The following CLIC6 variants were observed in gnomAD, a reference collection of about 807,000 sequenced individuals.
CLIC6 encodes the protein CLIC family member 6.
CLIC6 carries 39 observed loss-of-function variants against 49.2 expected under a neutral mutation model. That is an observed-to-expected ratio of 0.79 (90% CI 0.61 to 1.04). The LOEUF (loss-of-function observed/expected upper bound fraction) is 1.04, where lower values mean the gene tolerates loss of function less well. Among genes scored for constraint, CLIC6 ranks in the 50% least tolerant of loss-of-function variants. The pLI is 0.00. For missense variants in CLIC6, 988 were observed against 993.1 expected (o/e 0.99, Z 0.07); for synonymous variants, 446 against 433.4 (o/e 1.03, Z -0.36).
chr21:34,682,726 G>A (rs924950748), intron 1 of CLIC6, among the ~76,000 whole-genome samples: 1 of 150,186 alleles, frequency 6.7e-6, no homozygotes, highest in African/African-American at 2.4e-5. Context: ...ATCTTTAAAG[G>A]TTGCTTTACT....
In CLIC6 at chr21:34,707,092, G is replaced by A. The variant is rs182317467; in HGVS notation, c.1375-188G>A. Among the ~76,000 whole-genome samples, 454 of 152,232 alleles carry A rather than the reference G, an allele frequency of 3.0e-3. 3 individuals are homozygous for A. Among genetic ancestry groups the A allele is most frequent in the African/African-American group, 0.01 (429 of 41,528 alleles). On this transcript the variant is annotated intron_variant, in intron 1 of 5. Coordinates refer to ENST00000349499, the MANE Select transcript of CLIC6 (RefSeq NM_053277.3). ...ATGTGCATGTGCGTGCGTGTGTGGT[G>A]TTCTCTCCCCTAACCCCTACATCCA... is the stretch of plus-strand genomic sequence containing the variant.
chr21:34,707,914 C>G, intron 2 of CLIC6, 30 bp from the exon 3 acceptor site: 1 of 1,613,000 alleles, frequency 6.2e-7, no homozygotes, highest in South Asian at 1.1e-5. Flanking sequence ...TCACGGTGGC[C>G]CATAAACACT....
At chr21:34,676,781 G>A (rs1373290735) in intron 1 of CLIC6, among the ~76,000 whole-genome samples, 2 of 152,142 alleles carry the variant, frequency 1.3e-5, no homozygotes, top group Non-Finnish European at 2.9e-5. Context: ...ATAATGCCTA[G>A]TATAGATTCT....
At chr21:34,701,849 A>G (rs750736972) in intron 1 of CLIC6, among the ~76,000 whole-genome samples, 1 of 152,224 alleles carries the variant, frequency 6.6e-6, no homozygotes, top group Non-Finnish European at 1.5e-5. Flanking sequence ...AGTTATAACC[A>G]TCAGACTGGG....
chr21:34,706,040 C>T, intron 1 of CLIC6: 1 of 686,730 alleles, frequency 1.5e-6, no homozygotes, highest in East Asian at 2.7e-5. Flanking sequence ...AAACTTACTG[C>T]ATTAGGCTGT....
At position 34,671,137 on chromosome 21, in the gene CLIC6, AAAAAAG is replaced by A. The variant is rs1433479442; in HGVS notation, c.1374+378_1374+383del. The stretch of plus-strand genomic sequence containing the variant: ...CTAAAAAGTTAAAAAAAAAAAAAAA[AAAAAAG>A]AAGAAGAAGAAGAAAAGCAACGCAC... On this transcript the variant is annotated intron_variant, in intron 1 of 5. Coordinates refer to ENST00000349499, the MANE Select transcript of CLIC6 (RefSeq NM_053277.3). Among the ~76,000 whole-genome samples the A allele has an allele frequency of 7.5e-3, 592 of 78,764 alleles. 2 individuals are homozygous for A. The highest frequency in any genetic ancestry group is 0.047 in the South Asian group (108 of 2,278). The allele number at this position is 78,764 out of a possible 152,430, so 51.7% of individuals were successfully genotyped here. A position where few individuals can be genotyped will look rare whatever the true frequency, so the allele number is the denominator to read the frequency against.
chr21:34,672,675 G>A (rs760933484), intron 1 of CLIC6, among the ~76,000 whole-genome samples: 6 of 152,196 alleles, frequency 3.9e-5, no homozygotes, highest in Non-Finnish European at 7.3e-5. Flanking sequence ...TTGAATGGGC[G>A]GCTAGCTGCT....
intron 1 of CLIC6, among the ~76,000 whole-genome samples, chr21:34,706,467 T>C (rs1270715280): frequency 6.6e-6 from 1 of 152,158 alleles, no homozygotes. Flanking sequence ...ACCATATCAC[T>C]TATATTCAGT....
chr21:34,669,620 G>A lies in CLIC6; in HGVS notation c.232G>A (p.Gly78Arg). ...GGAGGCCGAGGCGCGGGGCACGAGG[G>A]GGGCGCACGGCGAGACTGAGGCCGA... ...GPEAEARGTR[G>R]AHGETEAEEG... Residue 78 changes from glycine to arginine, a missense_variant, in exon 1 of 6, where the codon GGG becomes AGG. Around this residue, in one of 3 missense-constraint regions of CLIC6, gnomAD observed 284 missense variants for 278.6 expected, o/e 1.02. Transcript: ENST00000349499. 4 of 1,281,350 alleles carry A rather than the reference G, an allele frequency of 3.1e-6. No individual in the cohort carries two copies. Among genetic ancestry groups the A allele is most frequent in the Non-Finnish European group, 3.9e-6 (4 of 1,017,236 alleles). The allele number at this position is 1,281,350 out of a possible 1,614,324, so 79.4% of individuals were successfully genotyped here. A position where few individuals can be genotyped will look rare whatever the true frequency, so the allele number is the denominator to read the frequency against.
chr21:34,674,997 C>T (rs554260367), intron 1 of CLIC6, among the ~76,000 whole-genome samples: 14 of 152,210 alleles, frequency 9.2e-5, no homozygotes, highest in South Asian at 4.1e-4. Context: ...GTCTGAGCTA[C>T]GGCTTTCCTG....
intron 1 of CLIC6, among the ~76,000 whole-genome samples, chr21:34,686,833 GC>G (rs1181320480): frequency 6.6e-6 from 1 of 152,076 alleles, no homozygotes; most frequent in East Asian, 1.9e-4. Flanking sequence ...AGCTGTCTTG[GC>G]CCCCTCAGAC....
intron 1 of CLIC6, among the ~76,000 whole-genome samples, chr21:34,689,838 G>C (rs949404742): frequency 6.6e-6 from 1 of 152,112 alleles, no homozygotes; most frequent in Non-Finnish European, 1.5e-5. Flanking sequence ...GTCTTTGTTG[G>C]CTCTCTGATG....
chr21:34,716,461 T>G lies in CLIC6; in HGVS notation c.2040T>G (p.Asp680Glu), dbSNP rs183771003. ...AAGAGATTGAACACGCATATTCAGA[T>G]GTTGCAAAAAGAATGAAATGAAGCT... ...ADQEIEHAYS[D>E]VAKRMK Residue 680 changes from aspartate to glutamate, a missense_variant, in exon 6 of 6, where the codon GAT becomes GAG. Coordinates refer to ENST00000349499, the MANE Select transcript of CLIC6 (RefSeq NM_053277.3). 376 of 1,610,814 alleles carry G rather than the reference T, an allele frequency of 2.3e-4. 1 individual carries two copies. Among genetic ancestry groups the G allele is most frequent in the Non-Finnish European group, 3.1e-4 (363 of 1,178,940 alleles).
intron 1 of CLIC6, among the ~76,000 whole-genome samples, chr21:34,695,583 T>A (rs745631108): frequency 6.6e-6 from 1 of 152,244 alleles, no homozygotes; most frequent in Non-Finnish European, 1.5e-5. Flanking sequence ...AGGGTTGACC[T>A]ATTTGGAAAG....
At chr21:34,714,277 A>G (rs915274149) in intron 5 of CLIC6, among the ~76,000 whole-genome samples, 3 of 152,268 alleles carry the variant, frequency 2.0e-5, no homozygotes, top group African/African-American at 7.2e-5. Context: ...TCAGAATATA[A>G]TAAACTATGT....
At chr21:34,691,467 T>A (rs1274529858) in intron 1 of CLIC6, among the ~76,000 whole-genome samples, 1 of 152,030 alleles carries the variant, frequency 6.6e-6, no homozygotes, top group African/African-American at 2.4e-5. Flanking sequence ...CAATGCAAAA[T>A]GTCAGGCTGG....
Position 34,700,688 on chromosome 21 carries a change from G to C in CLIC6, c.1375-6592G>C, listed in dbSNP as rs143741522. ...ATTCCTTGGAATTCCCTCTCTTCGAGGGGGTGGTAGGAAAAGTCAGCCGCC... is the reference window on the plus strand; with the variant it reads ...ATTCCTTGGAATTCCCTCTCTTCGACGGGGTGGTAGGAAAAGTCAGCCGCC... On this transcript the variant is annotated intron_variant, in intron 1 of 5. Coordinates refer to ENST00000349499, the MANE Select transcript of CLIC6 (RefSeq NM_053277.3). Among the ~76,000 whole-genome samples the C allele has an allele frequency of 4.6e-4, 65 of 140,086 alleles. 6 individuals carry two copies. The East Asian group carries it at 0.01, about 23-fold the overall frequency. 91.9% of individuals were successfully genotyped at this position (140,086 alleles called of 152,430 possible). A position where few individuals can be genotyped will look rare whatever the true frequency, so the allele number is the denominator to read the frequency against.
At chr21:34,689,303 C>A (rs1989943183) in intron 1 of CLIC6, among the ~76,000 whole-genome samples, 1 of 152,212 alleles carries the variant, frequency 6.6e-6, no homozygotes, top group African/African-American at 2.4e-5. Context: ...GTTGTCAGTG[C>A]TCAGCACAAC....
intron 1 of CLIC6, among the ~76,000 whole-genome samples, chr21:34,701,613 G>T (rs1329972132): frequency 2.0e-5 from 3 of 151,994 alleles, no homozygotes; most frequent in African/African-American, 4.8e-5. Flanking sequence ...CAACTGAATC[G>T]CCCGAGGCCA....
Sources: gnomAD v4.1 joint callset for allele counts (sites outside exome capture counted in the v4.1 genomes callset) on GRCh38, gnomAD v4.1.1 for gene constraint, gnomAD v4.1.1 regional missense constraint, MANE v1.5 for transcripts, NCBI Gene and HGNC (gene_info 2026-07-23, HGNC 2026-07-21) for gene names.